KIAA1549L: variants seen among roughly 807,000 people sequenced by gnomAD.
KIAA1549L encodes UPF0606 protein KIAA1549L.
KIAA1549L carries 88 observed loss-of-function variants against 160.7 expected under a neutral mutation model. The observed-to-expected ratio is 0.55, with a 90% confidence interval of 0.46 to 0.65. KIAA1549L has a LOEUF of 0.65. KIAA1549L is among the 30% of genes least tolerant of loss of function. The pLI, the probability that KIAA1549L is intolerant of heterozygous loss-of-function variation, is 0.00. For synonymous variants in KIAA1549L, 950 were observed against 976.7 expected (o/e 0.97, Z 0.51); for missense variants, 2,258 against 2,437.5 (o/e 0.93, Z 1.55).
In KIAA1549L at chr11:33,574,248, C is replaced by T. The variant is rs1027579074; in HGVS notation, c.4231-454C>T. ...CAAAACCGTTATTTTAGAAAAAGAA[C>T]ATTGGGTTTCCAAGTAGTGTTTTTA... On this transcript the variant is annotated intron_variant, in intron 9 of 20. Transcript: ENST00000658780. 2.0e-5 allele frequency among the ~76,000 whole-genome samples: 3 copies of T among 147,558 alleles called. No individual in the cohort carries two copies. The South Asian group carries it at 6.5e-4, about 32-fold the overall frequency.
chr11:33,406,860 T>C (rs940372876), intron 1 of KIAA1549L, among the ~76,000 whole-genome samples: 21 of 152,324 alleles, frequency 1.4e-4, no homozygotes, highest in African/African-American at 4.6e-4. Flanking sequence ...GGATGAGGTC[T>C]TTTGGCCCCT....
At position 33,671,454 on chromosome 11, in the gene KIAA1549L, A is replaced by T. The variant is rs1852671106; in HGVS notation, c.*3300A>T. 6.6e-6 allele frequency: 1 copy of T among 152,134 alleles called. No individual in the cohort carries two copies. Among genetic ancestry groups the T allele is most frequent in the Non-Finnish European group, 1.5e-5 (1 of 68,034 alleles). The allele number at this position is 152,134 out of a possible 1,614,324, so 9.4% of individuals were successfully genotyped here. On this transcript the variant is annotated 3_prime_UTR_variant, in exon 21 of 21. Coordinates refer to ENST00000658780, the MANE Select transcript of KIAA1549L (RefSeq NM_012194.3). ...TTTCCTCTTTCAGGGTAGATTATGT[A>T]AGAATCAATTCCCTGGTCCCAGGAG... is the stretch of plus-strand genomic sequence containing the variant.
chr11:33,498,570 G>GCTT (rs1383047296), intron 1 of KIAA1549L, among the ~76,000 whole-genome samples: 1 of 152,150 alleles, frequency 6.6e-6, no homozygotes, highest in East Asian at 1.9e-4. Flanking sequence ...GGGTAGTTTG[G>GCTT]CTTCTTACAT....
rs1419689488 is a variant in KIAA1549L, at chr11:33,542,712, T to G, written c.1149T>G (p.Pro383=). The change falls in exon 2 of 21, where the codon CCT becomes CCG. Residue 383 remains proline, a synonymous_variant. Coordinates refer to ENST00000658780, the MANE Select transcript of KIAA1549L (RefSeq NM_012194.3). ...CAATGTTGGAAGTGGCTTCAGGTCC[T>G]GCATCCACCCAGCAGATCAAAGCTG... ...SWSMLEVASG[P]ASTQQIKAGV... The G allele has an allele frequency of 5.0e-6, 8 of 1,614,012 alleles. No individual in the cohort carries two copies. The South Asian group carries it at 7.7e-5, about 16-fold the overall frequency.
At position 33,464,511 on chromosome 11, in the gene KIAA1549L, T is replaced by TGTGTGTGTGC. The variant is rs1491348414; in HGVS notation, c.239-77290_239-77289insTGTGTGTGCG. On this transcript the variant is annotated intron_variant, in intron 1 of 20. Transcript: ENST00000658780. The stretch of plus-strand genomic sequence containing the variant: ...GTGTGTGTGTGTGTGTGTGTGTGTG[T>TGTGTGTGTGC]GCGTGCGCGCATGCCCCCCCCCACA... 5.7e-5 allele frequency among the ~76,000 whole-genome samples: 8 copies of TGTGTGTGTGC among 139,568 alleles called. No individual in the cohort carries two copies. In the East Asian group the frequency reaches 6.0e-4, roughly 11 times the overall value. The allele number at this position is 139,568 out of a possible 152,430, so 91.6% of individuals were successfully genotyped here. A position where few individuals can be genotyped will look rare whatever the true frequency, so the allele number is the denominator to read the frequency against.
At position 33,558,835 on chromosome 11, in the gene KIAA1549L, T is replaced by C. The variant is rs74681600; in HGVS notation, c.3856-914T>C. 7.2e-3 allele frequency among the ~76,000 whole-genome samples: 1,094 copies of C among 151,556 alleles called. 18 individuals are homozygous for C. Among genetic ancestry groups the C allele is most frequent in the African/African-American group, 0.026 (1,057 of 41,190 alleles). ...CTCTATATTTCTGAATTCCTTTTTC[T>C]TTTCTTTTTTTTTTTTTTTGAAGAA... On this transcript the variant is annotated intron_variant, in intron 6 of 20. Coordinates refer to ENST00000658780, the MANE Select transcript of KIAA1549L (RefSeq NM_012194.3).
intron 1 of KIAA1549L, among the ~76,000 whole-genome samples, chr11:33,531,317 AC>A (rs1033647868): frequency 3.3e-5 from 5 of 152,200 alleles, no homozygotes; most frequent in Non-Finnish European, 7.3e-5. Context: ...TACTAAAAAT[AC>A]AAAAAATTTA....
At chr11:33,657,144 C>A (rs1455323196) in intron 18 of KIAA1549L, among the ~76,000 whole-genome samples, 1 of 135,530 alleles carries the variant, frequency 7.4e-6, no homozygotes, top group East Asian at 2.4e-4. Flanking sequence ...TGGGAACAAG[C>A]AAGCAGAGAG....
At position 33,620,286 on chromosome 11, in the gene KIAA1549L, A is replaced by G. The variant is rs181109358; in HGVS notation, c.5409+1624A>G. 2.0e-5 allele frequency among the ~76,000 whole-genome samples: 3 copies of G among 152,332 alleles called. No homozygotes were observed. In the East Asian group the frequency reaches 5.8e-4, roughly 29 times the overall value. Reference sequence around the variant, plus strand: ...AAGTATACCAAGTACATGTTACTTTAGGGGAAGCCTGCTTTATTCTAATAG... The same window carrying G: ...AAGTATACCAAGTACATGTTACTTTGGGGGAAGCCTGCTTTATTCTAATAG... On this transcript the variant is annotated intron_variant, in intron 16 of 20. Transcript: ENST00000658780.
chr11:33,639,089 T>C (rs149372755), intron 16 of KIAA1549L, among the ~76,000 whole-genome samples: 128 of 152,362 alleles, frequency 8.4e-4, no homozygotes, highest in African/African-American at 2.8e-3. Flanking sequence ...AGTTTTAATT[T>C]TGAATAAGAC....
intron 1 of KIAA1549L, among the ~76,000 whole-genome samples, chr11:33,447,663 T>G (rs892118797): frequency 6.6e-6 from 1 of 151,046 alleles, no homozygotes; most frequent in Non-Finnish European, 1.5e-5. Flanking sequence ...TTAGCATTCT[T>G]TGCATTACTT....
intron 1 of KIAA1549L, among the ~76,000 whole-genome samples, chr11:33,494,863 C>T (rs1370686932): frequency 6.6e-6 from 1 of 152,102 alleles, no homozygotes. Context: ...TTTTGGTGGT[C>T]CATGCTATGA....
chr11:33,542,268 A>C lies in KIAA1549L; in HGVS notation c.705A>C (p.Pro235=). 1 of 638,700 alleles carries C rather than the reference A, an allele frequency of 1.6e-6. No homozygotes were observed. The highest frequency in any genetic ancestry group is 2.9e-6 in the Non-Finnish European group (1 of 348,518). The allele number at this position is 638,700 out of a possible 1,614,324, so 39.6% of individuals were successfully genotyped here. A position where few individuals can be genotyped will look rare whatever the true frequency, so the allele number is the denominator to read the frequency against. Residue 235 remains proline (P), a synonymous_variant, in exon 2 of 21, where the codon CCA becomes CCC. Transcript: ENST00000658780. ...CTTCCTCCATTTCAAAGCATCCCCCAAGGTCAGACATTCCCCCACTCCTCC... is the reference window on the plus strand; with the variant it reads ...CTTCCTCCATTTCAAAGCATCCCCCCAGGTCAGACATTCCCCCACTCCTCC... The part of the protein sequence containing the change: ...AGTSSISKHP[P]RSDIPPLLPL...
At chr11:33,638,429 A>AG (rs1352181691) in intron 16 of KIAA1549L, among the ~76,000 whole-genome samples, 1 of 18,124 alleles carries the variant, frequency 5.5e-5, no homozygotes, top group Non-Finnish European at 8.9e-5. Context: ...AAATAAAAAA[A>AG]AAAAAAATAA....
chr11:33,487,781 A>G (rs1852564469), intron 1 of KIAA1549L, among the ~76,000 whole-genome samples: 1 of 152,174 alleles, frequency 6.6e-6, no homozygotes, highest in African/African-American at 2.4e-5. Context: ...ATAAATGGGT[A>G]GGGTCCAAAG....
intron 15 of KIAA1549L, among the ~76,000 whole-genome samples, chr11:33,614,584 ATTTTTT>A (rs869257067): frequency 1.8e-3 from 9 of 5,098 alleles, no homozygotes; most frequent in Non-Finnish European, 2.8e-3. Flanking sequence ...ATATATATAT[ATTTTTT>A]TTTTTTTTTT....
intron 1 of KIAA1549L, among the ~76,000 whole-genome samples, chr11:33,389,644 C>A (rs193259417): frequency 6.6e-6 from 1 of 152,320 alleles, no homozygotes; most frequent in Non-Finnish European, 1.5e-5. Flanking sequence ...GGGAATATTT[C>A]TCTAGTCTCT....
chr11:33,377,238 C>T (rs1849974811), intron 1 of KIAA1549L, among the ~76,000 whole-genome samples: 1 of 152,154 alleles, frequency 6.6e-6, no homozygotes, highest in Non-Finnish European at 1.5e-5. Flanking sequence ...TTTGGGCTCT[C>T]TGTTGAGTGT....
intron 8 of KIAA1549L, among the ~76,000 whole-genome samples, chr11:33,566,063 C>T (rs1271287672): frequency 6.6e-6 from 1 of 152,224 alleles, no homozygotes; most frequent in African/African-American, 2.4e-5. Flanking sequence ...ATAAAAGTTA[C>T]CATTTTGAAC....
Sources: allele counts gnomAD v4.1 joint callset (sites outside exome capture counted in the v4.1 genomes callset), GRCh38; gene constraint gnomAD v4.1.1; transcripts MANE v1.5; gene names NCBI Gene and HGNC (gene_info 2026-07-23, HGNC 2026-07-21).